The following MECOM variants were observed in gnomAD, a reference collection of about 807,000 sequenced individuals.
MECOM encodes histone-lysine N-methyltransferase MECOM.
MECOM carries 13 observed loss-of-function variants against 116.3 expected under a neutral mutation model. That is an observed-to-expected ratio of 0.11 (90% confidence interval 0.07 to 0.18). The LOEUF is 0.18. Ranked by LOEUF, MECOM falls within the 10% of genes least tolerant of loss-of-function variation. MECOM has a pLI of 1.00. For synonymous variants in MECOM, 528 were observed against 535.2 expected (o/e 0.99, Z 0.19); for missense variants, 1,299 against 1,509.0 (o/e 0.86, Z 2.31).
chr3:169,519,575 T>C (rs1178693880), intron 1 of MECOM, among the ~76,000 whole-genome samples: 2 of 152,242 alleles, frequency 1.3e-5, no homozygotes, highest in Non-Finnish European at 2.9e-5. Context: ...CCCAATTCAG[T>C]ATCTGGCTCT....
chr3:169,628,141 T>A (rs1771611396), intron 1 of MECOM, among the ~76,000 whole-genome samples: 1 of 152,194 alleles, frequency 6.6e-6, no homozygotes, highest in African/African-American at 2.4e-5. Context: ...CAGACACCTC[T>A]CCATCTCTGA....
At chr3:169,131,833 C>T (rs1387559438) in intron 3 of MECOM, 7 of 827,920 alleles carry the variant, frequency 8.5e-6, no homozygotes, top group Non-Finnish European at 1.1e-5. Context: ...TAATGTTTAA[C>T]GAAGAACTTT....
chr3:169,215,235 CTCT>C (rs1366881904), intron 2 of MECOM, among the ~76,000 whole-genome samples: 1 of 115,768 alleles, frequency 8.6e-6, no homozygotes, highest in Non-Finnish European at 1.7e-5. Context: ...TTTCCCCCTC[CTCT>C]TTCCTTTTTT....
chr3:169,607,573 G>T (rs1310043429), intron 1 of MECOM, among the ~76,000 whole-genome samples: 5 of 152,204 alleles, frequency 3.3e-5, no homozygotes, highest in Non-Finnish European at 5.9e-5. Context: ...AAGAATAGAA[G>T]GACTCACGTG....
chr3:169,556,195 C>A (rs1201327495), intron 1 of MECOM, among the ~76,000 whole-genome samples: 1 of 152,164 alleles, frequency 6.6e-6, no homozygotes, highest in Non-Finnish European at 1.5e-5. Context: ...GCTACTTATT[C>A]CTACAACAAG....
At chr3:169,572,090 A>T (rs1383559777) in intron 1 of MECOM, among the ~76,000 whole-genome samples, 1 of 152,266 alleles carries the variant, frequency 6.6e-6, no homozygotes, top group Admixed American at 6.5e-5. Flanking sequence ...CAATCTATCC[A>T]TCTGACAAAG....
At chr3:169,220,890 G>A (rs538996074) in intron 2 of MECOM, among the ~76,000 whole-genome samples, 3 of 152,124 alleles carry the variant, frequency 2.0e-5, no homozygotes, top group Non-Finnish European at 2.9e-5. Context: ...CCTGAGGCTC[G>A]AACAATATCC....
chr3:169,496,583 A>G (rs1753845636), intron 1 of MECOM, among the ~76,000 whole-genome samples: 1 of 152,176 alleles, frequency 6.6e-6, no homozygotes. Context: ...TCCTTGTGCC[A>G]GTTGTTCTTC....
At chr3:169,446,967 TA>T (rs1475366573) in intron 1 of MECOM, among the ~76,000 whole-genome samples, 1 of 152,198 alleles carries the variant, frequency 6.6e-6, no homozygotes, top group African/African-American at 2.4e-5. Context: ...AATTTTCAGT[TA>T]TTTTTTTCAG....
At chr3:169,452,061 T>C (rs568455701) in intron 1 of MECOM, among the ~76,000 whole-genome samples, 75 of 152,152 alleles carry the variant, frequency 4.9e-4, no homozygotes, top group African/African-American at 1.7e-3. Context: ...AAGGTAGTCC[T>C]TCCCAAATAA....
At chr3:169,211,314 T>C (rs1206755123) in intron 2 of MECOM, among the ~76,000 whole-genome samples, 1 of 152,090 alleles carries the variant, frequency 6.6e-6, no homozygotes, top group African/African-American at 2.4e-5. Context: ...TGAGATTGAT[T>C]AGTAAAAAAC....
chr3:169,612,539 G>T (rs1231880979), intron 1 of MECOM, among the ~76,000 whole-genome samples: 3 of 151,692 alleles, frequency 2.0e-5, no homozygotes, highest in Admixed American at 6.6e-5. Flanking sequence ...TATGTTCCTG[G>T]TTCCTATAAT....
intron 2 of MECOM, among the ~76,000 whole-genome samples, chr3:169,350,825 ACT>A (rs553967398): frequency 1.1e-4 from 16 of 151,844 alleles, no homozygotes; most frequent in African/African-American, 3.6e-4. Context: ...AAGTGGAAAG[ACT>A]CTGAAATATT....
chr3:169,158,258 G>C (rs1444884556), intron 2 of MECOM, among the ~76,000 whole-genome samples: 1 of 152,156 alleles, frequency 6.6e-6, no homozygotes, highest in Non-Finnish European at 1.5e-5. Context: ...TTGGTAATCA[G>C]TGTTGGAAGA....
At chr3:169,270,749 GA>G (rs1327692104) in intron 2 of MECOM, among the ~76,000 whole-genome samples, 1 of 151,794 alleles carries the variant, frequency 6.6e-6, no homozygotes, top group African/African-American at 2.4e-5. Context: ...ACACTAGAGG[GA>G]AAAATAAGTA....
At chr3:169,181,386 C>T (rs930815973) in intron 2 of MECOM, among the ~76,000 whole-genome samples, 6 of 152,196 alleles carry the variant, frequency 3.9e-5, no homozygotes, top group African/African-American at 1.2e-4. Context: ...CCAATGCCAG[C>T]TGTACTGGAC....
chr3:169,110,539 A>G (rs1315865751), intron 9 of MECOM, among the ~76,000 whole-genome samples: 1 of 152,106 alleles, frequency 6.6e-6, no homozygotes, highest in African/African-American at 2.4e-5. Flanking sequence ...AAACAATGAA[A>G]TATTTCTGTA....
chr3:169,432,911 C>A (rs190139062), intron 1 of MECOM, among the ~76,000 whole-genome samples: 1 of 152,144 alleles, frequency 6.6e-6, no homozygotes, highest in Non-Finnish European at 1.5e-5. Flanking sequence ...AATAAAGACC[C>A]GTGTAAATTC....
intron 2 of MECOM, among the ~76,000 whole-genome samples, chr3:169,206,398 G>T (rs1418536447): frequency 6.6e-6 from 1 of 152,092 alleles, no homozygotes; most frequent in Non-Finnish European, 1.5e-5. Context: ...TGCAAAAAAT[G>T]TTTGCATCAA....
Sources: allele counts gnomAD v4.1 joint callset (sites outside exome capture counted in the v4.1 genomes callset), GRCh38; gene constraint gnomAD v4.1.1; transcripts MANE v1.5; gene names NCBI Gene and HGNC (gene_info 2026-07-23, HGNC 2026-07-21).